Variants in PMFBP1 observed in about 807,000 individuals in gnomAD.
PMFBP1 encodes polyamine modulated factor 1 binding protein 1, also known as polyamine-modulated factor 1-binding protein 1.
Under a neutral mutation model 137.8 loss-of-function variants are expected in PMFBP1, and 131 were observed. That is an observed-to-expected ratio of 0.95 (90% CI 0.82 to 1.10). The LOEUF is 1.10. PMFBP1 is among the 50% of genes least tolerant of loss of function. The probability of loss-of-function intolerance (pLI) is 0.00; values close to 1 mark genes in which losing one functional copy is unlikely to be tolerated. For synonymous variants in PMFBP1, 490 were observed against 450.4 expected (o/e 1.09, Z -1.11); for missense variants, 1,199 against 1,175.4 (o/e 1.02, Z -0.29).
chr16:72,230,520 T>C, the PMFBP1 span, among the ~76,000 whole-genome samples: 22 of 152,278 alleles, frequency 1.4e-4, no homozygotes. Context: ...ATGGTCCAGG[T>C]ATGGCAAACT....
At chr16:72,205,455 A>T in the PMFBP1 span, among the ~76,000 whole-genome samples, 1 of 152,204 alleles carries the variant, frequency 6.6e-6, no homozygotes, top group Non-Finnish European at 1.5e-5. Flanking sequence ...TGTGTGTCCA[A>T]TTGCAGCTGG....
Position 72,139,277 on chromosome 16 carries a change from A to C in PMFBP1, c.918+12T>G. 6.2e-7 allele frequency: 1 copy of C among 1,602,778 alleles called. No individual in the cohort carries two copies. The highest frequency in any genetic ancestry group is 1.1e-5 in the South Asian group (1 of 90,712). Reference sequence around the variant, plus strand: ...CGATCCCAGTAGGCACAGATCAGCAAATTTCTCCCACCTTTTTGATGTCTT... The same window carrying C: ...CGATCCCAGTAGGCACAGATCAGCACATTTCTCCCACCTTTTTGATGTCTT... On this transcript the variant is annotated intron_variant, in intron 7 of 20. Coordinates refer to ENST00000237353, the MANE Select transcript of PMFBP1 (RefSeq NM_031293.3).
chr16:72,117,034 CAAA>C (rs35283042), downstream of PMFBP1, among the ~76,000 whole-genome samples: 1 of 117,078 alleles, frequency 8.5e-6, no homozygotes, highest in Non-Finnish European at 1.8e-5. Flanking sequence ...CCTATTTCTG[CAAA>C]AAAAAAAAAA....
At chr16:72,218,307 C>T in the PMFBP1 span, among the ~76,000 whole-genome samples, 6 of 152,256 alleles carry the variant, frequency 3.9e-5, no homozygotes, top group Non-Finnish European at 4.4e-5. Context: ...AACTATATTT[C>T]CCAGACTGAA....
chr16:72,181,112 G>A (rs1026022943), upstream of PMFBP1, among the ~76,000 whole-genome samples: 11 of 151,694 alleles, frequency 7.3e-5, no homozygotes, highest in African/African-American at 1.7e-4. Context: ...GGTGGCGCGC[G>A]CCTGTAATCC....
Position 72,119,888 on chromosome 16 carries a change from C to T in PMFBP1, c.2970G>A (p.Met990Ile), listed in dbSNP as rs907911385. Residue 990 changes from methionine to isoleucine, a missense_variant, in exon 20 of 21, where the codon ATG becomes ATA. Met to Ile is a conservative substitution (Grantham distance 10). Transcript: ENST00000237353. ...KGLPQDMGQR[M>I]DLTKYIGMPH... is the part of the protein sequence containing the mutation. ...GCATCCCGATGTACTTGGTGAGGTC[C>T]ATTCTTTGACCCATATCCTGGGGCA... 48 of 1,614,192 alleles carry T rather than the reference C, an allele frequency of 3.0e-5. No individual in the cohort carries two copies. Among genetic ancestry groups the T allele is most frequent in the Non-Finnish European group, 4.1e-5 (48 of 1,180,036 alleles).
chr16:72,200,146 C>G, the PMFBP1 span, among the ~76,000 whole-genome samples: 1 of 152,214 alleles, frequency 6.6e-6, no homozygotes. Context: ...CAGGCTCACT[C>G]CACTGTCACT....
At chr16:72,228,835 T>G in the PMFBP1 span, among the ~76,000 whole-genome samples, 1 of 138,872 alleles carries the variant, frequency 7.2e-6, no homozygotes, top group African/African-American at 2.9e-5. Flanking sequence ...CTTTATATAT[T>G]ACTTTTTTTT....
chr16:72,120,708 T>G (rs1687722391), intron 19 of PMFBP1, among the ~76,000 whole-genome samples: 1 of 152,216 alleles, frequency 6.6e-6, no homozygotes, highest in African/African-American at 2.4e-5. Context: ...GCAACTTTTA[T>G]TATCACTGTT....
the PMFBP1 span, among the ~76,000 whole-genome samples, chr16:72,187,309 G>A: frequency 1.3e-5 from 2 of 152,098 alleles, no homozygotes; most frequent in African/African-American, 4.8e-5. Flanking sequence ...GTTACAGTGG[G>A]CTCCAAGATC....
At chr16:72,235,727 T>C in the PMFBP1 span, among the ~76,000 whole-genome samples, 1 of 124,526 alleles carries the variant, frequency 8.0e-6, no homozygotes, top group Non-Finnish European at 1.6e-5. Flanking sequence ...TTAAATTTAT[T>C]CCCAAGTTTA....
intron 2 of PMFBP1, among the ~76,000 whole-genome samples, chr16:72,167,063 G>A (rs1166128538): frequency 6.6e-6 from 1 of 152,184 alleles, no homozygotes; most frequent in Non-Finnish European, 1.5e-5. Context: ...TGAAATATAT[G>A]AGCTGCATAA....
At chr16:72,135,740 GTT>G (rs869189990) in intron 9 of PMFBP1, among the ~76,000 whole-genome samples, 127 of 66,796 alleles carry the variant, frequency 1.9e-3, no homozygotes, top group East Asian at 6.1e-3. Flanking sequence ...TAATTTTTCT[GTT>G]TTTTTTTTTT....
At chr16:72,194,254 T>C in the PMFBP1 span, among the ~76,000 whole-genome samples, 1 of 152,228 alleles carries the variant, frequency 6.6e-6, no homozygotes, top group Non-Finnish European at 1.5e-5. Context: ...TTATTTTTCT[T>C]TTTTAAAGAC....
intron 3 of PMFBP1, among the ~76,000 whole-genome samples, chr16:72,155,733 A>G (rs2042970550): frequency 6.6e-6 from 1 of 152,192 alleles, no homozygotes; most frequent in South Asian, 2.1e-4. Context: ...ATGAAATGCA[A>G]CCATTGTTAA....
chr16:72,164,575 G>A, intron 3 of PMFBP1, 189 bp downstream of exon 3: 1 of 1,218,064 alleles, frequency 8.2e-7, no homozygotes, highest in Non-Finnish European at 1.2e-6. Context: ...AGTCCTGAAG[G>A]CAGGACTGGC....
At chr16:72,190,412 C>A in the PMFBP1 span, among the ~76,000 whole-genome samples, 1 of 152,192 alleles carries the variant, frequency 6.6e-6, no homozygotes, top group Non-Finnish European at 1.5e-5. Context: ...ATAATCTTTG[C>A]AAAGGCAATT....
the PMFBP1 span, among the ~76,000 whole-genome samples, chr16:72,248,323 C>G: frequency 2.6e-5 from 4 of 152,134 alleles, no homozygotes; most frequent in Non-Finnish European, 4.4e-5. Context: ...AGAACTTTAA[C>G]CAATTGAACA....
At chr16:72,119,635 A>C in intron 20 of PMFBP1, 1 of 1,443,770 alleles carries the variant, frequency 6.9e-7, no homozygotes. Context: ...CTGAGATGTG[A>C]GGCACTTGGG....
Sources: gnomAD v4.1 joint callset for allele counts (sites outside exome capture counted in the v4.1 genomes callset) on GRCh38, gnomAD v4.1.1 for gene constraint, MANE v1.5 for transcripts, NCBI Gene and HGNC (gene_info 2026-07-23, HGNC 2026-07-21) for gene names.